The following GARIN1B variants were observed in gnomAD, a reference collection of about 807,000 sequenced individuals.
The protein encoded by GARIN1B is Golgi-associated RAB2 interactor protein 1B.
the GARIN1B span, chr7:128,719,084 G>GT: frequency 3.1e-6 from 5 of 1,612,794 alleles, no homozygotes; most frequent in Non-Finnish European, 4.2e-6. Context: ...AGATTCGAAG[G>GT]TAAGTGAGCA....
chr7:128,731,187 AT>A, the GARIN1B span: 1 of 1,368,080 alleles, frequency 7.3e-7, no homozygotes, highest in Non-Finnish European at 1.0e-6. Context: ...CTGCTGAGGG[AT>A]TATCGGGATG....
the GARIN1B span, among the ~76,000 whole-genome samples, chr7:128,719,584 T>G: frequency 6.6e-6 from 1 of 152,124 alleles, no homozygotes; most frequent in East Asian, 1.9e-4. Flanking sequence ...TAGTCTTTTG[T>G]GTCTGGCTTC....
the GARIN1B span, among the ~76,000 whole-genome samples, chr7:128,711,654 T>TACACAC: frequency 2.4e-4 from 26 of 107,894 alleles, no homozygotes; most frequent in East Asian, 7.6e-4. Flanking sequence ...ATTTTGGTTT[T>TACACAC]ACAGACACAC....
the GARIN1B span, chr7:128,723,459 T>A: frequency 9.7e-7 from 1 of 1,035,264 alleles, no homozygotes; most frequent in Non-Finnish European, 1.4e-6. Flanking sequence ...ACGCCTGTAT[T>A]CCCGGCACTT....
At chr7:128,718,508 C>T in the GARIN1B span, among the ~76,000 whole-genome samples, 2 of 151,780 alleles carry the variant, frequency 1.3e-5, no homozygotes, top group Non-Finnish European at 2.9e-5. Context: ...AGCCACCTTA[C>T]CTCCTAGGCT....
chr7:128,720,015 T>C, the GARIN1B span, among the ~76,000 whole-genome samples: 8 of 152,072 alleles, frequency 5.3e-5, 1 homozygote, highest in African/African-American at 1.7e-4. Context: ...CATTTTTCAA[T>C]TGGGTTTTTT....
chr7:128,727,495 G>T, the GARIN1B span, among the ~76,000 whole-genome samples: 21 of 152,208 alleles, frequency 1.4e-4, no homozygotes, highest in Non-Finnish European at 3.1e-4. Context: ...AGGAAGAAGA[G>T]ACAGAGTCTG....
chr7:128,720,928 G>A, the GARIN1B span, among the ~76,000 whole-genome samples: 2 of 151,964 alleles, frequency 1.3e-5, no homozygotes, highest in East Asian at 1.9e-4. Context: ...TTTTCAAACT[G>A]TGTTGGCTAT....
At chr7:128,726,483 G>A in the GARIN1B span, among the ~76,000 whole-genome samples, 1 of 152,138 alleles carries the variant, frequency 6.6e-6, no homozygotes. Flanking sequence ...ATTATTATCA[G>A]TTTTTGCACA....
chr7:128,710,606 A>G, the GARIN1B span, among the ~76,000 whole-genome samples: 1 of 152,080 alleles, frequency 6.6e-6, no homozygotes, highest in East Asian at 1.9e-4. Flanking sequence ...GTTTTCTGTC[A>G]TGCCAGCTCT....
the GARIN1B span, among the ~76,000 whole-genome samples, chr7:128,730,279 C>T: frequency 6.6e-6 from 1 of 152,186 alleles, no homozygotes. Context: ...CAGAGTTCCC[C>T]CAGATGCTGT....
the GARIN1B span, chr7:128,718,970 C>T: frequency 2.2e-5 from 36 of 1,614,030 alleles, no homozygotes; most frequent in African/African-American, 1.2e-4. Flanking sequence ...CTTCTGGATC[C>T]GACTGGTTCA....
chr7:128,724,659 C>G, the GARIN1B span: 2 of 1,203,488 alleles, frequency 1.7e-6, no homozygotes, highest in Non-Finnish European at 2.2e-6. Context: ...ATCCAGGGTC[C>G]TAGTGCCTAT....
At chr7:128,729,874 A>G in the GARIN1B span, 2 of 1,606,830 alleles carry the variant, frequency 1.2e-6, no homozygotes, top group Non-Finnish European at 1.7e-6. Context: ...CCAGCACACA[A>G]GCAAATGCAT....
the GARIN1B span, chr7:128,726,792 T>TC: frequency 6.2e-7 from 1 of 1,612,498 alleles, no homozygotes; most frequent in South Asian, 1.1e-5. Context: ...TCCTTTACTT[T>TC]CAACTTTCAT....
chr7:128,726,436 T>C, the GARIN1B span, among the ~76,000 whole-genome samples: 248 of 152,354 alleles, frequency 1.6e-3, 2 homozygotes, highest in African/African-American at 5.0e-3. Context: ...TGAGTGATGA[T>C]TTTTCTCTCA....
chr7:128,716,135 T>C, the GARIN1B span, among the ~76,000 whole-genome samples: 1 of 152,306 alleles, frequency 6.6e-6, no homozygotes, highest in East Asian at 1.9e-4. Context: ...AAGTAACCTG[T>C]GCAGCCTGAA....
chr7:128,723,052 T>G, the GARIN1B span: 1 of 964,658 alleles, frequency 1.0e-6, no homozygotes, highest in Admixed American at 2.5e-5. Flanking sequence ...AAATATGGCC[T>G]CAGAATTGCC....
At chr7:128,722,971 A>C in the GARIN1B span, among the ~76,000 whole-genome samples, 1 of 152,240 alleles carries the variant, frequency 6.6e-6, no homozygotes, top group Non-Finnish European at 1.5e-5. Flanking sequence ...TAATGTTAAA[A>C]GTATGTAATG....
Sources: gnomAD v4.1 joint callset for allele counts (sites outside exome capture counted in the v4.1 genomes callset) on GRCh38, gnomAD v4.1.1 for gene constraint, MANE v1.5 for transcripts, NCBI Gene and HGNC (gene_info 2026-07-23, HGNC 2026-07-21) for gene names.